Variants in CHN1 observed in about 807,000 individuals in gnomAD.
CHN1 encodes the protein N-chimaerin.
In CHN1, 37 loss-of-function variants were observed where a neutral mutation model predicts 59.5. The observed-to-expected ratio is 0.62, with a 90% CI of 0.48 to 0.82. The LOEUF (loss-of-function observed/expected upper bound fraction) is 0.82. Ranked by LOEUF, CHN1 falls within the 40% of genes least tolerant of loss-of-function variation. The pLI, the probability that CHN1 is intolerant of heterozygous loss-of-function variation, is 0.00. For missense variants in CHN1, 469 were observed against 571.0 expected, an observed-to-expected ratio of 0.82 and a Z score of 1.82; for synonymous variants, 206 against 200.4, an observed-to-expected ratio of 1.03 and a Z score of -0.24.
At chr2:174,885,901 A>G (rs918923784) in intron 5 of CHN1, among the ~76,000 whole-genome samples, 5 of 152,368 alleles carry the variant, frequency 3.3e-5, no homozygotes, top group Non-Finnish European at 7.3e-5. Flanking sequence ...GTACTTACAG[A>G]AAAGTATTTT....
chr2:174,981,090 T>C (rs554232598), intron 1 of CHN1, among the ~76,000 whole-genome samples: 1 of 152,274 alleles, frequency 6.6e-6, no homozygotes, highest in South Asian at 2.1e-4. Context: ...AAAGGTGCCA[T>C]GATCAAATGA....
intron 6 of CHN1, among the ~76,000 whole-genome samples, chr2:174,874,398 T>A (rs1004640444): frequency 6.6e-6 from 1 of 152,202 alleles, no homozygotes; most frequent in Admixed American, 6.5e-5. Flanking sequence ...TATTTCAGTG[T>A]TTTCCAATTG....
chr2:174,829,053 C>G (rs974949035), intron 7 of CHN1, among the ~76,000 whole-genome samples: 1 of 152,134 alleles, frequency 6.6e-6, no homozygotes, highest in Non-Finnish European at 1.5e-5. Context: ...ATGAAAGTGA[C>G]AGAGTATAAG....
intron 1 of CHN1, among the ~76,000 whole-genome samples, chr2:175,001,108 T>C (rs1216386961): frequency 2.0e-5 from 3 of 152,068 alleles, no homozygotes; most frequent in Non-Finnish European, 4.4e-5. Context: ...TTGACACCAG[T>C]ACAAGAAGGA....
chr2:174,968,413 A>G (rs2105434882), intron 1 of CHN1, among the ~76,000 whole-genome samples: 1 of 152,388 alleles, frequency 6.6e-6, no homozygotes, highest in East Asian at 1.9e-4. Context: ...AAAGTCAGAC[A>G]TGGAAGTAAT....
intron 3 of CHN1, among the ~76,000 whole-genome samples, chr2:174,925,493 T>G (rs984685310): frequency 6.6e-6 from 1 of 152,246 alleles, no homozygotes. Flanking sequence ...AGGCCTTCCC[T>G]TTCTAGGTCT....
intron 5 of CHN1, among the ~76,000 whole-genome samples, chr2:174,901,186 C>T (rs547602695): frequency 6.6e-6 from 1 of 152,162 alleles, no homozygotes; most frequent in Non-Finnish European, 1.5e-5. Context: ...GAGCAAAATT[C>T]TTAACCGGGC....
rs185597510 is a variant in CHN1, at chr2:174,945,585, A to G, written c.59-642T>C. ...TATACTGATACCATGACTTCCTTCT[A>G]GCCTCACTTCAGGCTTTTTTATTTA... is the stretch of plus-strand genomic sequence containing the variant. On this transcript the variant is annotated intron_variant, in intron 2 of 12. Coordinates refer to ENST00000409900, the MANE Select transcript of CHN1 (RefSeq NM_001822.7). Among the ~76,000 whole-genome samples the G allele has an allele frequency of 2.1e-3, 317 of 152,276 alleles. 2 individuals are homozygous for G. Among genetic ancestry groups the G allele is most frequent in the African/African-American group, 7.4e-3 (308 of 41,570 alleles).
chr2:174,856,213 A>G (rs1354715864), intron 6 of CHN1, among the ~76,000 whole-genome samples: 1 of 152,130 alleles, frequency 6.6e-6, no homozygotes, highest in East Asian at 1.9e-4. Flanking sequence ...GGATAAATAA[A>G]TTTTTATATT....
At chr2:174,811,788 G>A (rs1296081697) in intron 9 of CHN1, among the ~76,000 whole-genome samples, 200 bp from the exon 10 acceptor site, 1 of 152,108 alleles carries the variant, frequency 6.6e-6, no homozygotes, top group African/African-American at 2.4e-5. Context: ...AATATCATCT[G>A]GCTCATCATT....
intron 5 of CHN1, among the ~76,000 whole-genome samples, chr2:174,882,799 A>G (rs1687776498): frequency 6.6e-6 from 1 of 152,214 alleles, no homozygotes. Context: ...CAATCATAAG[A>G]TACTCTTGGA....
chr2:174,887,391 T>C (rs1482182483), intron 5 of CHN1, among the ~76,000 whole-genome samples: 1 of 152,174 alleles, frequency 6.6e-6, no homozygotes, highest in Non-Finnish European at 1.5e-5. Flanking sequence ...AATGTATTTC[T>C]GTGTTTATTT....
intron 5 of CHN1, among the ~76,000 whole-genome samples, chr2:174,904,491 T>C (rs896935607): frequency 2.0e-5 from 3 of 151,750 alleles, no homozygotes; most frequent in Non-Finnish European, 4.4e-5. Context: ...CAGGTTCAAG[T>C]GATTCTCCTG....
chr2:174,967,155 G>T (rs1294619929), intron 1 of CHN1, among the ~76,000 whole-genome samples: 1 of 151,972 alleles, frequency 6.6e-6, no homozygotes, highest in African/African-American at 2.4e-5. Context: ...ACCAGCCTGG[G>T]CAATGTGGAG....
At chr2:174,993,469 T>A (rs1344106026) in intron 1 of CHN1, among the ~76,000 whole-genome samples, 2 of 152,106 alleles carry the variant, frequency 1.3e-5, no homozygotes, top group Admixed American at 1.3e-4. Context: ...AAAAACTAAT[T>A]ATTATCTGTG....
At chr2:174,883,522 A>G (rs1245562953) in intron 5 of CHN1, among the ~76,000 whole-genome samples, 1 of 152,188 alleles carries the variant, frequency 6.6e-6, no homozygotes, top group Non-Finnish European at 1.5e-5. Context: ...CCATCATCCT[A>G]TAATTGTCAG....
At chr2:174,837,226 C>T (rs373244490) in intron 7 of CHN1, 1 of 152,112 alleles carries the variant, frequency 6.6e-6, no homozygotes, top group Non-Finnish European at 1.5e-5. Context: ...TTAGCACACC[C>T]CCTAGAGATG....
At chr2:174,872,671 G>A (rs1687446038) in intron 6 of CHN1, among the ~76,000 whole-genome samples, 1 of 152,100 alleles carries the variant, frequency 6.6e-6, no homozygotes, top group Admixed American at 6.5e-5. Flanking sequence ...AAGCAATTAG[G>A]AGCCCTTTGC....
intron 7 of CHN1, among the ~76,000 whole-genome samples, chr2:174,826,112 A>T (rs1417243730): frequency 6.6e-6 from 1 of 152,188 alleles, no homozygotes; most frequent in South Asian, 2.1e-4. Flanking sequence ...ACAAAATTTT[A>T]TGTTGATTTT....
Sources: allele counts gnomAD v4.1 joint callset (sites outside exome capture counted in the v4.1 genomes callset), GRCh38; gene constraint gnomAD v4.1.1; transcripts MANE v1.5; gene names NCBI Gene and HGNC (gene_info 2026-07-23, HGNC 2026-07-21).